Variants in PCDHGA12 observed in about 807,000 individuals in gnomAD.
PCDHGA12 encodes protocadherin gamma-A12.
A neutral mutation model predicts 61.1 loss-of-function variants in PCDHGA12; 43 were observed. The ratio of observed to expected loss-of-function variants is 0.70; its 90% CI spans 0.55 to 0.91. The LOEUF (loss-of-function observed/expected upper bound fraction) is 0.91. Among genes scored for constraint, PCDHGA12 ranks in the 40% least tolerant of loss-of-function variants. The pLI, the probability that PCDHGA12 is intolerant of heterozygous loss-of-function variation, is 0.00. For synonymous variants in PCDHGA12, 520 were observed against 542.9 expected (o/e 0.96, Z 0.59); for missense variants, 1,236 against 1,227.7 (o/e 1.01, Z -0.10).
At chr5:141,504,147 T>C (rs2099836026) in intron 2 of PCDHGA12, among the ~76,000 whole-genome samples, 1 of 152,198 alleles carries the variant, frequency 6.6e-6, no homozygotes, top group South Asian at 2.1e-4. Flanking sequence ...CCCCTGCAAA[T>C]TGAAATAATT....
Position 141,490,885 on chromosome 5 carries a change from T to C in PCDHGA12, c.2425-3922T>C, listed in dbSNP as rs1317781676. The stretch of plus-strand genomic sequence containing the variant: ...CTCTCCCCCATTGCATGCCAACACA[T>C]CTCTGCATGTGTTTGTCCTAGACGA... On this transcript the variant is annotated intron_variant, in intron 1 of 3. Coordinates refer to ENST00000252085, the MANE Select transcript of PCDHGA12 (RefSeq NM_003735.3). This position sits in a 1 kb window ranked among gnomAD's most constrained non-coding sequence, Gnocchi z 5.4. The C allele has an allele frequency of 6.2e-7, 1 of 1,613,872 alleles. No individual in the cohort carries two copies. Among genetic ancestry groups the C allele is most frequent in the Non-Finnish European group, 8.5e-7 (1 of 1,179,904 alleles).
At chr5:141,509,128 A>C (rs995210331) in intron 3 of PCDHGA12, among the ~76,000 whole-genome samples, 8 of 151,958 alleles carry the variant, frequency 5.3e-5, no homozygotes, top group African/African-American at 1.7e-4. Flanking sequence ...TGAAGAGAAA[A>C]ACCGAGGCGC....
chr5:141,487,467 T>C lies in PCDHGA12; in HGVS notation c.2425-7340T>C. ...GATGACCCTATCAAGTTTGTTGATG[T>C]GGGAGGCCACTCTCATGGCTGTACA... On this transcript the variant is annotated intron_variant, in intron 1 of 3. Transcript: ENST00000252085. The surrounding 1 kb of genome is among the most constrained non-coding windows in gnomAD (Gnocchi z 5.0). 6.2e-7 allele frequency: 1 copy of C among 1,614,186 alleles called. No individual in the cohort carries two copies. The highest frequency in any genetic ancestry group is 8.5e-7 in the Non-Finnish European group (1 of 1,180,026).
chr5:141,473,079 A>G (rs1389177835), intron 1 of PCDHGA12, among the ~76,000 whole-genome samples: 2 of 152,086 alleles, frequency 1.3e-5, no homozygotes, highest in African/African-American at 4.8e-5. Flanking sequence ...ATCTTTGTTT[A>G]TTATCCACTG....
intron 3 of PCDHGA12, among the ~76,000 whole-genome samples, chr5:141,508,649 C>T (rs1303066200): frequency 6.6e-6 from 1 of 152,126 alleles, no homozygotes; most frequent in Non-Finnish European, 1.5e-5. Flanking sequence ...CCGTCAGGCC[C>T]TTCCTGTCAT....
chr5:141,491,861 C>A lies in PCDHGA12; in HGVS notation c.2425-2946C>A. ...GGATCATTGGACCGTTTGCGCGAAA[C>A]CAGAGTGGCCGATTAAGGGATGGGG... On this transcript the variant is annotated intron_variant, in intron 1 of 3. Transcript: ENST00000252085. The surrounding 1 kb of genome is among the most constrained non-coding windows in gnomAD (Gnocchi z 6.9). 6.9e-7 allele frequency: 1 copy of A among 1,455,272 alleles called. No homozygotes were observed. The highest frequency in any genetic ancestry group is 9.1e-7 in the Non-Finnish European group (1 of 1,100,930). The allele number at this position is 1,455,272 out of a possible 1,614,324, so 90.1% of individuals were successfully genotyped here.
rs926009065 is a variant in PCDHGA12, at chr5:141,488,023, AG to A, written c.2425-6782del. ...TCAGATTCTGAAGTACCTTAACTCT[AG>A]GTTACCATTTCCCAAGGGATTGAGG... On this transcript the variant is annotated intron_variant, in intron 1 of 3. Transcript: ENST00000252085. 1.4e-3 allele frequency among the ~76,000 whole-genome samples: 213 copies of A among 152,260 alleles called. 1 individual carries two copies. The highest frequency in any genetic ancestry group is 5.0e-3 in the African/African-American group (208 of 41,542).
chr5:141,475,424 T>C (rs2099363271), intron 1 of PCDHGA12, among the ~76,000 whole-genome samples: 1 of 152,244 alleles, frequency 6.6e-6, no homozygotes, highest in African/African-American at 2.4e-5. Context: ...CTCCTGCTAA[T>C]TTGATAGTAG....
chr5:141,471,003 C>A (rs2099246040), intron 1 of PCDHGA12, among the ~76,000 whole-genome samples: 1 of 151,658 alleles, frequency 6.6e-6, no homozygotes, highest in East Asian at 1.9e-4. Flanking sequence ...AGGCATGAGC[C>A]ACTGTGCCTG....
In PCDHGA12 at chr5:141,486,872, C is replaced by T. The variant is rs1320632059; in HGVS notation, c.2425-7935C>T. On this transcript the variant is annotated intron_variant, in intron 1 of 3. Transcript: ENST00000252085. The surrounding 1 kb of genome is among the most constrained non-coding windows in gnomAD (Gnocchi z 5.0). ...CAATGACAATGCTCCAGCTGTGCTC[C>T]GTCCTCGGGCCCGGCCTGGTTCCTT... The T allele has an allele frequency of 3.7e-6, 6 of 1,614,232 alleles. No individual in the cohort carries two copies. Among genetic ancestry groups the T allele is most frequent in the African/African-American group, 1.3e-5 (1 of 75,070 alleles).
rs2099696598 is a variant in PCDHGA12, at chr5:141,490,144, A to C, written c.2425-4663A>C. The C allele has an allele frequency of 2.5e-6, 4 of 1,614,214 alleles. No homozygotes were observed. In the East Asian group the frequency reaches 6.7e-5, roughly 27 times the overall value. ...TGGCCTAGACCCTAGCAGTGGGGCA[A>C]TCCATGTGTTGGGTCCCATAGACTT... On this transcript the variant is annotated intron_variant, in intron 1 of 3. Transcript: ENST00000252085. The surrounding 1 kb of genome is among the most constrained non-coding windows in gnomAD (Gnocchi z 5.4).
At chr5:141,509,344 T>A (rs2099876374) in intron 3 of PCDHGA12, among the ~76,000 whole-genome samples, 1 of 152,202 alleles carries the variant, frequency 6.6e-6, no homozygotes, top group Admixed American at 6.5e-5. Flanking sequence ...GGGCCTGGGC[T>A]GGCCTGGGCA....
Position 141,437,485 on chromosome 5 carries a change from C to T in PCDHGA12, c.2424+4302C>T, listed in dbSNP as rs372023505. The stretch of plus-strand genomic sequence containing the variant: ...TATACTTTTATAGCATATTTAATCT[C>T]GTAGATCACTTTTCAATGAATTATA... On this transcript the variant is annotated intron_variant, in intron 1 of 3. Transcript: ENST00000252085. Among the ~76,000 whole-genome samples, 16 of 152,188 alleles carry T rather than the reference C, an allele frequency of 1.1e-4. No individual in the cohort carries two copies. In the East Asian group the frequency reaches 2.9e-3, roughly 28 times the overall value.
rs1562065751 is a variant in PCDHGA12, at chr5:141,477,907, C to T, written c.2425-16900C>T. The T allele has an allele frequency of 1.9e-6, 3 of 1,614,164 alleles. No homozygotes were observed. The highest frequency in any genetic ancestry group is 2.2e-5 in the East Asian group (1 of 44,872). ...TAGTGTCACGGGTGGTAGGCTGGGA[C>T]GCGGATGCAGGGCACAATGCCTGGC... On this transcript the variant is annotated intron_variant, in intron 1 of 3. Transcript: ENST00000252085. This position sits in a 1 kb window ranked among gnomAD's most constrained non-coding sequence, Gnocchi z 4.9.
At position 141,431,782 on chromosome 5, in the gene PCDHGA12, C is replaced by A. The variant is rs767269112; in HGVS notation, c.1023C>A (p.Asn341Lys). The A allele has an allele frequency of 6.2e-7, 1 of 1,614,082 alleles. No homozygotes were observed. Residue 341 changes from asparagine (N) to lysine (K), a missense_variant, in exon 1 of 4, where the codon AAC becomes AAA. By Grantham distance (94) the Asn-to-Lys change is moderately conservative. Transcript: ENST00000252085. This position sits in a 1 kb window ranked among gnomAD's most constrained non-coding sequence, Gnocchi z 4.8. Reference sequence around the variant, plus strand: ...TCCTGATCACTGTTCTGGACGTGAACGACAATGCCCCAGAAGTGGTCCTCA... The same window carrying A: ...TCCTGATCACTGTTCTGGACGTGAAAGACAATGCCCCAGAAGTGGTCCTCA... ...AKVLITVLDV[N>K]DNAPEVVLTS...
chr5:141,487,258 G>A lies in PCDHGA12; in HGVS notation c.2425-7549G>A, dbSNP rs368598017. The A allele has an allele frequency of 3.7e-6, 6 of 1,614,026 alleles. No homozygotes were observed. Among genetic ancestry groups the A allele is most frequent in the Non-Finnish European group, 4.2e-6 (5 of 1,180,030 alleles). On this transcript the variant is annotated intron_variant, in intron 1 of 3. Transcript: ENST00000252085. The surrounding 1 kb of genome is among the most constrained non-coding windows in gnomAD (Gnocchi z 5.0). ...CTCGTCTAACCCTCTACTTGGCTGT[G>A]TCCCTAGTGGCAATTTGCTTTGTCT...
rs747671382 is a variant in PCDHGA12 at position 141,444,152 on chromosome 5, ATTTTTTTTTTTTTTTTTTTT to A, written c.2424+10986_2424+11005del. ...GATATGTGTCACTTGTGTGTACTGG[ATTTTTTTTTTTTTTTTTTTT>A]TTTTTTTTTTTTTTTTGAGATGGAG... On this transcript the variant is annotated intron_variant, in intron 1 of 3. Transcript: ENST00000252085. 2.4e-4 allele frequency among the ~76,000 whole-genome samples: 8 copies of A among 33,898 alleles called. No homozygotes were observed. In the East Asian group the frequency reaches 3.0e-3, roughly 13 times the overall value. 22.2% of individuals were successfully genotyped at this position (33,898 alleles called of 152,430 possible). A position where few individuals can be genotyped will look rare whatever the true frequency, so the allele number is the denominator to read the frequency against.
intron 1 of PCDHGA12, chr5:141,441,665 A>ACAGTG (rs936537442): frequency 7.5e-6 from 2 of 265,720 alleles, no homozygotes; most frequent in African/African-American, 4.7e-5. Flanking sequence ...CCTTGAGCGC[A>ACAGTG]CAGTGCGCCT....
Position 141,511,590 on chromosome 5 carries a change from A to C in PCDHGA12, c.*417A>C, listed in dbSNP as rs2099883868. On this transcript the variant is annotated 3_prime_UTR_variant, in exon 4 of 4. Transcript: ENST00000252085. ...AGTAAGGTGGTTGGGGTGTTGAAGT[A>C]CCAAGTAACCTACAAGCCTCCTAGT... The C allele has an allele frequency of 3.7e-6, 1 of 267,790 alleles. No homozygotes were observed. Among genetic ancestry groups the C allele is most frequent in the Admixed American group, 4.8e-5 (1 of 20,946 alleles). The allele number at this position is 267,790 out of a possible 1,614,324, so 16.6% of individuals were successfully genotyped here.
Sources: gnomAD v4.1 joint callset for allele counts (sites outside exome capture counted in the v4.1 genomes callset) on GRCh38, gnomAD v4.1.1 for gene constraint, Gnocchi (gnomAD v3.1) non-coding constraint, MANE v1.5 for transcripts, NCBI Gene and HGNC (gene_info 2026-07-23, HGNC 2026-07-21) for gene names.